The following PTPRK variants were observed in gnomAD, a reference collection of about 807,000 sequenced individuals.
PTPRK encodes protein tyrosine phosphatase receptor type K, also known as receptor-type tyrosine-protein phosphatase kappa.
A neutral mutation model predicts 178.0 loss-of-function variants in PTPRK; 75 were observed. That is an observed-to-expected ratio of 0.42 (90% confidence interval 0.35 to 0.51). The LOEUF (loss-of-function observed/expected upper bound fraction) is 0.51. PTPRK is among the 20% of genes least tolerant of loss of function. The pLI is 0.02. For missense variants in PTPRK, 1,441 were observed against 1,797.8 expected, an observed-to-expected ratio of 0.80 and a Z score of 3.59; for synonymous variants, 637 against 620.6, an observed-to-expected ratio of 1.03 and a Z score of -0.39.
chr6:128,112,890 C>T (rs1237571748), intron 7 of PTPRK, among the ~76,000 whole-genome samples: 4 of 152,072 alleles, frequency 2.6e-5, no homozygotes, highest in Admixed American at 2.0e-4. Context: ...AAACTCATGT[C>T]GGTAACTGAA....
At chr6:128,050,139 GA>G (rs59066990) in intron 13 of PTPRK, among the ~76,000 whole-genome samples, 23,236 of 144,698 alleles carry the variant, frequency 0.16, 4,562 homozygotes, top group African/African-American at 0.46. Context: ...TCCGCCTCAA[GA>G]AAAAAAAAAA....
intron 1 of PTPRK, among the ~76,000 whole-genome samples, chr6:128,516,077 C>T (rs1857966801): frequency 6.6e-6 from 1 of 152,072 alleles, no homozygotes. Flanking sequence ...AGTCATATTT[C>T]CAGTTCTTAA....
Position 128,141,593 on chromosome 6 carries a change from A to T in PTPRK, c.1162+42839T>A, listed in dbSNP as rs546918196. Among the ~76,000 whole-genome samples the T allele has an allele frequency of 3.4e-3, 518 of 150,602 alleles. 4 individuals carry two copies. Among genetic ancestry groups the T allele is most frequent in the African/African-American group, 0.012 (500 of 41,194 alleles). Reference sequence around the variant, plus strand: ...GTCCTCCAACAGCAAAAGCAATATAAAAAAAAAATGATCTGAGTGCAAACC... The same window carrying T: ...GTCCTCCAACAGCAAAAGCAATATATAAAAAAAATGATCTGAGTGCAAACC... On this transcript the variant is annotated intron_variant, in intron 7 of 29. Transcript: ENST00000368226.
intron 11 of PTPRK, among the ~76,000 whole-genome samples, chr6:128,074,285 T>C (rs1210250098): frequency 6.6e-6 from 1 of 152,042 alleles, no homozygotes; most frequent in Non-Finnish European, 1.5e-5. Context: ...ATAAAATATA[T>C]ATTCATTTAT....
chr6:128,169,172 T>C (rs770916576), intron 7 of PTPRK, among the ~76,000 whole-genome samples: 1 of 152,082 alleles, frequency 6.6e-6, no homozygotes, highest in Non-Finnish European at 1.5e-5. Flanking sequence ...TATCCTATTG[T>C]AAACTGAAAG....
At chr6:128,264,143 G>T (rs1818598205) in intron 3 of PTPRK, among the ~76,000 whole-genome samples, 1 of 152,174 alleles carries the variant, frequency 6.6e-6, no homozygotes, top group African/African-American at 2.4e-5. Context: ...CCCCACATCT[G>T]ATGTAGGTCC....
At chr6:128,244,141 C>T (rs1421234934) in intron 3 of PTPRK, among the ~76,000 whole-genome samples, 1 of 151,900 alleles carries the variant, frequency 6.6e-6, no homozygotes, top group Non-Finnish European at 1.5e-5. Flanking sequence ...GAAAAGGAAA[C>T]AAATTGAGGG....
intron 1 of PTPRK, among the ~76,000 whole-genome samples, chr6:128,437,723 G>T (rs1845774601): frequency 6.6e-6 from 1 of 152,204 alleles, no homozygotes; most frequent in African/African-American, 2.4e-5. Context: ...GTAGCAGGCA[G>T]AGAAATAATG....
Position 128,161,886 on chromosome 6 carries a change from A to C in PTPRK, c.1162+22546T>G, listed in dbSNP as rs533080597. 5.9e-5 allele frequency among the ~76,000 whole-genome samples: 9 copies of C among 151,770 alleles called. No individual in the cohort carries two copies. In the South Asian group the frequency reaches 1.9e-3, roughly 31 times the overall value. On this transcript the variant is annotated intron_variant, in intron 7 of 29. Transcript: ENST00000368226. ...TTATACTATGGACAGCATCAGCAGA[A>C]AAAGCAAACGTCCCTAATTTCAACC... is the stretch of plus-strand genomic sequence containing the variant.
At chr6:128,238,056 G>A in intron 5 of PTPRK, 1 of 448,130 alleles carries the variant, frequency 2.2e-6, no homozygotes, top group South Asian at 1.6e-5. Flanking sequence ...TAATTGATGT[G>A]GTGTTATTGA....
chr6:128,171,612 T>C (rs1442519485), intron 7 of PTPRK, among the ~76,000 whole-genome samples: 1 of 152,032 alleles, frequency 6.6e-6, no homozygotes, highest in Non-Finnish European at 1.5e-5. Flanking sequence ...AATTAAACTA[T>C]TATGTACTGT....
chr6:128,119,191 T>C (rs1386898881), intron 7 of PTPRK, among the ~76,000 whole-genome samples: 1 of 151,754 alleles, frequency 6.6e-6, no homozygotes. Flanking sequence ...AATAAAAACA[T>C]ACCTAAAAAC....
intron 7 of PTPRK, among the ~76,000 whole-genome samples, chr6:128,109,438 A>T (rs1268061297): frequency 6.6e-6 from 1 of 152,118 alleles, no homozygotes; most frequent in Non-Finnish European, 1.5e-5. Context: ...TTGCTATATG[A>T]CAACAATTTA....
At chr6:128,296,144 T>G (rs1006141125) in intron 3 of PTPRK, among the ~76,000 whole-genome samples, 1 of 151,964 alleles carries the variant, frequency 6.6e-6, no homozygotes, top group Admixed American at 6.6e-5. Flanking sequence ...CTTTCTCCTC[T>G]CCCCTTCTTG....
At chr6:128,501,230 G>T (rs1027297577) in intron 1 of PTPRK, 1 of 152,088 alleles carries the variant, frequency 6.6e-6, no homozygotes, top group African/African-American at 2.4e-5. Context: ...TCTTGAAATT[G>T]TTCATATATA....
intron 3 of PTPRK, among the ~76,000 whole-genome samples, chr6:128,286,846 C>T (rs1273660870): frequency 6.6e-6 from 1 of 152,164 alleles, no homozygotes; most frequent in Non-Finnish European, 1.5e-5. Context: ...TTTAGTCCCA[C>T]TAATAAGGCA....
chr6:128,067,410 A>G (rs776092394), intron 12 of PTPRK, 109 bp downstream of exon 12: 11 of 1,270,292 alleles, frequency 8.7e-6, no homozygotes, highest in Non-Finnish European at 1.1e-5. Flanking sequence ...CTACATGCAA[A>G]TTTTCTTTTT....
At chr6:127,975,456 T>C (rs918031936) in intron 27 of PTPRK, among the ~76,000 whole-genome samples, 13 of 152,162 alleles carry the variant, frequency 8.5e-5, no homozygotes, top group African/African-American at 3.1e-4. Context: ...GTTATATACA[T>C]ATAGACTTAT....
At chr6:128,052,828 T>C (rs1441490395) in intron 13 of PTPRK, among the ~76,000 whole-genome samples, 2 of 152,200 alleles carry the variant, frequency 1.3e-5, no homozygotes, top group Non-Finnish European at 2.9e-5. Context: ...TTTTATTCAG[T>C]GTTATAATCA....
Sources: gnomAD v4.1 joint callset for allele counts (sites outside exome capture counted in the v4.1 genomes callset) on GRCh38, gnomAD v4.1.1 for gene constraint, MANE v1.5 for transcripts, NCBI Gene and HGNC (gene_info 2026-07-23, HGNC 2026-07-21) for gene names.